The following TENM3 variants were observed in gnomAD, a reference collection of about 807,000 sequenced individuals.
The protein encoded by TENM3 is teneurin transmembrane protein 3, also known as teneurin-3.
A neutral mutation model predicts 255.1 loss-of-function variants in TENM3; 63 were observed. The ratio of observed to expected loss-of-function variants is 0.25; its 90% confidence interval spans 0.20 to 0.30. TENM3 has a LOEUF of 0.30. Among genes scored for constraint, TENM3 ranks in the 10% least tolerant of loss-of-function variants. The pLI, the probability that TENM3 is intolerant of heterozygous loss-of-function variation, is 1.00. For synonymous variants in TENM3, 1,306 were observed against 1,322.3 expected (o/e 0.99, Z 0.27); for missense variants, 2,929 against 3,461.1 (o/e 0.85, Z 3.86).
intron 3 of TENM3, among the ~76,000 whole-genome samples, chr4:182,396,694 G>T (rs2151006204): frequency 6.6e-6 from 1 of 152,312 alleles, no homozygotes; most frequent in South Asian, 2.1e-4. Flanking sequence ...AGGCACGGTG[G>T]TTCACACCTG....
chr4:181,809,154 A>C, the TENM3 span, among the ~76,000 whole-genome samples: 1 of 152,228 alleles, frequency 6.6e-6, no homozygotes, highest in Non-Finnish European at 1.5e-5. Context: ...CTCACAAAGA[A>C]AGAAGTTAAA....
At chr4:182,773,294 G>A (rs186728677) in intron 22 of TENM3, among the ~76,000 whole-genome samples, 178 bp from the exon 23 acceptor site, 221 of 152,294 alleles carry the variant, frequency 1.5e-3, no homozygotes, top group African/African-American at 4.9e-3. Flanking sequence ...GTTTTTCTAT[G>A]TTAAACGGGT....
At chr4:181,692,980 T>G in the TENM3 span, among the ~76,000 whole-genome samples, 45 of 152,256 alleles carry the variant, frequency 3.0e-4, no homozygotes, top group Admixed American at 6.5e-5. Context: ...AGGGGAATTC[T>G]GGACAGTTTG....
intron 1 of TENM3, among the ~76,000 whole-genome samples, chr4:182,249,804 A>G (rs1045929521): frequency 6.6e-6 from 1 of 151,956 alleles, no homozygotes; most frequent in East Asian, 1.9e-4. Flanking sequence ...TTGCTGTGTC[A>G]CCCAGGCTGG....
chr4:181,781,218 G>A, the TENM3 span, among the ~76,000 whole-genome samples: 2 of 152,128 alleles, frequency 1.3e-5, no homozygotes, highest in African/African-American at 4.8e-5. Context: ...TGGGCAGTAT[G>A]GCCATTTTCA....
At chr4:181,850,313 A>G in the TENM3 span, among the ~76,000 whole-genome samples, 1 of 152,116 alleles carries the variant, frequency 6.6e-6, no homozygotes, top group Admixed American at 6.6e-5. Context: ...GATTAACAAG[A>G]GATTAAATTT....
At chr4:182,059,849 A>G in the TENM3 span, among the ~76,000 whole-genome samples, 936 of 151,762 alleles carry the variant, frequency 6.2e-3, 11 homozygotes, top group African/African-American at 0.022. Flanking sequence ...AGGAGGATCA[A>G]TTGAGCCCAG....
At chr4:181,743,421 G>C in the TENM3 span, among the ~76,000 whole-genome samples, 1 of 152,138 alleles carries the variant, frequency 6.6e-6, no homozygotes, top group Non-Finnish European at 1.5e-5. Flanking sequence ...TTTCTCTGAC[G>C]CCAGTGATGG....
At chr4:182,251,269 A>G (rs1757994763) in intron 1 of TENM3, among the ~76,000 whole-genome samples, 1 of 152,210 alleles carries the variant, frequency 6.6e-6, no homozygotes, top group South Asian at 2.1e-4. Flanking sequence ...CACGAGTTCC[A>G]GACCAGCCTG....
intron 1 of TENM3, among the ~76,000 whole-genome samples, chr4:182,321,960 A>C (rs1187023482): frequency 6.6e-6 from 1 of 152,032 alleles, no homozygotes; most frequent in Non-Finnish European, 1.5e-5. Flanking sequence ...TAATAATAAT[A>C]AATAAATAAA....
At chr4:181,553,335 T>TATAC in the TENM3 span, among the ~76,000 whole-genome samples, 27 of 141,008 alleles carry the variant, frequency 1.9e-4, no homozygotes, top group East Asian at 1.0e-3. Flanking sequence ...TATATATATA[T>TATAC]ACACACACAC....
At chr4:181,788,111 C>G in the TENM3 span, among the ~76,000 whole-genome samples, 1 of 152,034 alleles carries the variant, frequency 6.6e-6, no homozygotes. Context: ...GAATAAACCT[C>G]TGTAAAATAT....
the TENM3 span, among the ~76,000 whole-genome samples, chr4:181,558,322 A>T: frequency 1.3e-5 from 2 of 152,352 alleles, no homozygotes; most frequent in South Asian, 2.1e-4. Context: ...CAAAGCACAG[A>T]TCACTCCACA....
chr4:181,814,270 A>G, the TENM3 span, among the ~76,000 whole-genome samples: 1 of 152,178 alleles, frequency 6.6e-6, no homozygotes, highest in Admixed American at 6.5e-5. Flanking sequence ...TTTAAGATGA[A>G]GAGCATTATA....
chr4:181,494,747 G>A, the TENM3 span, among the ~76,000 whole-genome samples: 12 of 152,030 alleles, frequency 7.9e-5, no homozygotes, highest in East Asian at 3.9e-4. Context: ...GTTTGTCACC[G>A]TATAGCCACT....
In TENM3 at chr4:182,792,810, T is replaced by G; in HGVS notation, c.6138T>G (p.Phe2046Leu). 2 of 1,613,932 alleles carry G rather than the reference T, an allele frequency of 1.2e-6. No individual in the cohort carries two copies. The highest frequency in any genetic ancestry group is 1.7e-6 in the Non-Finnish European group (2 of 1,179,848). Reference sequence around the variant, plus strand: ...CACTGCCTATTGATCTGTATCAGTTTGATGACATTTCTGGCAAAGTTGAGC... The same window carrying G: ...CACTGCCTATTGATCTGTATCAGTTGGATGACATTTCTGGCAAAGTTGAGC... ...ETPLPIDLYQ[F>L]DDISGKVEQF... The change falls in exon 26 of 28, where the codon TTT becomes TTG. Residue 2046 changes from phenylalanine (F) to leucine (L), a missense_variant. This residue lies in a region of TENM3 where 3 missense variants were observed against 25.2 expected (regional missense o/e 0.12). Coordinates refer to ENST00000511685, the MANE Select transcript of TENM3 (RefSeq NM_001080477.4). The surrounding 1 kb of genome is among the most constrained non-coding windows in gnomAD (Gnocchi z 6.3).
the TENM3 span, among the ~76,000 whole-genome samples, chr4:182,117,003 T>A: frequency 6.6e-6 from 1 of 152,220 alleles, no homozygotes; most frequent in East Asian, 1.9e-4. Flanking sequence ...TGTGTAGTGG[T>A]ATCTCATTGT....
intron 3 of TENM3, among the ~76,000 whole-genome samples, chr4:182,387,790 A>G (rs917715990): frequency 1.5e-4 from 23 of 151,872 alleles, no homozygotes; most frequent in African/African-American, 5.1e-4. Flanking sequence ...ACATCCGAAC[A>G]TCAGAAGGGA....
chr4:182,434,844 T>C (rs1771933784), intron 3 of TENM3, among the ~76,000 whole-genome samples: 1 of 152,068 alleles, frequency 6.6e-6, no homozygotes, highest in Non-Finnish European at 1.5e-5. Flanking sequence ...AGGGTGATGA[T>C]TGGTCATCTT....
Sources: allele counts gnomAD v4.1 joint callset (sites outside exome capture counted in the v4.1 genomes callset), GRCh38; gene constraint gnomAD v4.1.1; regional missense constraint gnomAD v4.1.1; non-coding constraint Gnocchi (gnomAD v3.1); transcripts MANE v1.5; gene names NCBI Gene and HGNC (gene_info 2026-07-23, HGNC 2026-07-21).